The following TBC1D23 variants were observed in gnomAD, a reference collection of about 807,000 sequenced individuals.
The protein encoded by TBC1D23 is TBC1 domain family member 23.
A neutral mutation model predicts 91.4 loss-of-function variants in TBC1D23; 55 were observed. That is an observed-to-expected ratio of 0.60 (90% CI 0.48 to 0.75). The LOEUF (loss-of-function observed/expected upper bound fraction) is 0.75. Among genes scored for constraint, TBC1D23 ranks in the 30% least tolerant of loss-of-function variants. The probability of loss-of-function intolerance (pLI) is 0.00; values close to 1 mark genes in which losing one functional copy is unlikely to be tolerated. For synonymous variants in TBC1D23, 289 were observed against 281.0 expected, an observed-to-expected ratio of 1.03 and a Z score of -0.28; for missense variants, 725 against 836.1, an observed-to-expected ratio of 0.87 and a Z score of 1.64.
At chr3:100,275,931 TTA>T (rs1178035262) in intron 1 of TBC1D23, among the ~76,000 whole-genome samples, 1 of 152,224 alleles carries the variant, frequency 6.6e-6, no homozygotes, top group Non-Finnish European at 1.5e-5. Flanking sequence ...ATGATTCCAG[TTA>T]TATGAAATAT....
intron 5 of TBC1D23, among the ~76,000 whole-genome samples, chr3:100,293,790 A>G (rs867290862): frequency 6.6e-6 from 1 of 152,150 alleles, no homozygotes; most frequent in African/African-American, 2.4e-5. Flanking sequence ...AAGTAAAGTA[A>G]TCCAAGTTCC....
At chr3:100,304,975 A>G (rs1163740990) in intron 12 of TBC1D23, 87 bp downstream of exon 12, 2 of 757,428 alleles carry the variant, frequency 2.6e-6, no homozygotes, top group Non-Finnish European at 4.6e-6. Context: ...GAGTGGTCAC[A>G]TTAGTTAAAG....
At chr3:100,307,477 T>C (rs990083625) in intron 13 of TBC1D23, among the ~76,000 whole-genome samples, 3 of 152,210 alleles carry the variant, frequency 2.0e-5, no homozygotes, top group African/African-American at 4.8e-5. Context: ...TAAGGATAAC[T>C]TGAGAATTAA....
At chr3:100,275,718 C>T (rs2067643217) in intron 1 of TBC1D23, among the ~76,000 whole-genome samples, 1 of 151,864 alleles carries the variant, frequency 6.6e-6, no homozygotes, top group African/African-American at 2.4e-5. Context: ...TACTTGTGTT[C>T]AAAATTAAGG....
Position 100,321,214 on chromosome 3 carries a change from T to C in TBC1D23, c.2018+243T>C, listed in dbSNP as rs16842116. On this transcript the variant is annotated intron_variant, in intron 18 of 18. Transcript: ENST00000394144. ...AAAGTTTCTGACCCAAGGATCCTTATTGTTAATCTGTACCAGTGCTGCACT... is the reference window on the plus strand; with the variant it reads ...AAAGTTTCTGACCCAAGGATCCTTACTGTTAATCTGTACCAGTGCTGCACT... Among the ~76,000 whole-genome samples, 1,036 of 152,322 alleles carry C rather than the reference T, an allele frequency of 6.8e-3. 16 individuals carry two copies. The highest frequency in any genetic ancestry group is 0.024 in the African/African-American group (996 of 41,574).
intron 4 of TBC1D23, 124 bp from the exon 5 acceptor site, chr3:100,290,454 C>G (rs2067779452): frequency 2.4e-6 from 2 of 835,274 alleles, no homozygotes; most frequent in Non-Finnish European, 3.8e-6. Context: ...CAAGAGACCT[C>G]TGCCTGCTAC....
intron 3 of TBC1D23, among the ~76,000 whole-genome samples, chr3:100,283,095 A>G (rs774346457): frequency 5.7e-4 from 87 of 152,342 alleles, no homozygotes; most frequent in Non-Finnish European, 4.6e-4. Context: ...TTAGAAGGCC[A>G]GGCACAGTGG....
intron 1 of TBC1D23, among the ~76,000 whole-genome samples, chr3:100,279,270 T>C (rs922203088): frequency 4.6e-5 from 7 of 152,172 alleles, no homozygotes; most frequent in African/African-American, 1.7e-4. Context: ...GGGATTGTTA[T>C]GAGGATTAAA....
chr3:100,268,661 A>G (rs770844386), intron 1 of TBC1D23, among the ~76,000 whole-genome samples: 2 of 152,198 alleles, frequency 1.3e-5, no homozygotes, highest in African/African-American at 2.4e-5. Flanking sequence ...GCCATTCTCT[A>G]TCTTAGGCAA....
At position 100,292,707 on chromosome 3, in the gene TBC1D23, C is replaced by T. The variant is rs189150453; in HGVS notation, c.600+2006C>T. 1.6e-3 allele frequency among the ~76,000 whole-genome samples: 238 copies of T among 152,264 alleles called. 1 individual carries two copies. The highest frequency in any genetic ancestry group is 5.6e-3 in the African/African-American group (232 of 41,550). On this transcript the variant is annotated intron_variant, in intron 5 of 18. Coordinates refer to ENST00000394144, the MANE Select transcript of TBC1D23 (RefSeq NM_001199198.3). ...CTCCACCTCCTGGGCTCAAGTGATT[C>T]TCCCACCTCAGCCTCCTGAGTAGCT... is the stretch of plus-strand genomic sequence containing the variant.
At chr3:100,315,154 CTTTTTTTTTT>C (rs397705981) in intron 15 of TBC1D23, among the ~76,000 whole-genome samples, 5 of 73,670 alleles carry the variant, frequency 6.8e-5, no homozygotes, top group East Asian at 4.8e-4. Context: ...GAGGCAGATT[CTTTTTTTTTT>C]TTTTTTTTTT....
chr3:100,312,801 A>G (rs1384548620), intron 15 of TBC1D23, among the ~76,000 whole-genome samples: 1 of 152,184 alleles, frequency 6.6e-6, no homozygotes, highest in Non-Finnish European at 1.5e-5. Flanking sequence ...TTCTCGGGTC[A>G]CTTCAGTATT....
chr3:100,288,078 C>T (rs75287202), intron 4 of TBC1D23, among the ~76,000 whole-genome samples: 1 of 151,200 alleles, frequency 6.6e-6, no homozygotes, highest in African/African-American at 2.4e-5. Flanking sequence ...CCTGATCCTA[C>T]AAAAAAAATT....
chr3:100,312,990 G>C (rs1705654490), intron 15 of TBC1D23, among the ~76,000 whole-genome samples: 1 of 151,228 alleles, frequency 6.6e-6, no homozygotes, highest in African/African-American at 2.4e-5. Context: ...CGTCTCTACA[G>C]AGTGAGACTG....
In TBC1D23 at chr3:100,320,902, A is replaced by G. The variant is rs901272072; in HGVS notation, c.1949A>G (p.His650Arg). The G allele has an allele frequency of 1.2e-6, 2 of 1,612,812 alleles. No homozygotes were observed. The highest frequency in any genetic ancestry group is 1.7e-6 in the Non-Finnish European group (2 of 1,179,330). Residue 650 changes from histidine to arginine, a missense_variant, in exon 18 of 19, where the codon CAT becomes CGT. Transcript: ENST00000394144. ...SVVKITSKKK[H>R]PELITFKYGN... Reference sequence around the variant, plus strand: ...GTTAAAATTACATCCAAAAAAAAACATCCTGAACTCATTACCTTCAAGTAT... The same window carrying G: ...GTTAAAATTACATCCAAAAAAAAACGTCCTGAACTCATTACCTTCAAGTAT...
chr3:100,306,318 T>G, intron 12 of TBC1D23, 119 bp from the exon 13 acceptor site: 43 of 591,122 alleles, frequency 7.3e-5, no homozygotes, highest in Middle Eastern at 3.8e-4. Flanking sequence ...ATACCTGTGA[T>G]TATTTCCTTC....
chr3:100,289,137 C>T (rs985668929), intron 4 of TBC1D23, among the ~76,000 whole-genome samples: 11 of 151,918 alleles, frequency 7.2e-5, no homozygotes, highest in Non-Finnish European at 1.6e-4. Context: ...GGTTTGAGCC[C>T]AGGACGCAAA....
intron 15 of TBC1D23, among the ~76,000 whole-genome samples, chr3:100,314,876 T>C (rs1264868156): frequency 6.6e-6 from 1 of 152,188 alleles, no homozygotes; most frequent in African/African-American, 2.4e-5. Context: ...AGTGTTTTCA[T>C]GTTACATGCA....
At chr3:100,317,226 G>A (rs1232835948) in intron 16 of TBC1D23, among the ~76,000 whole-genome samples, 2 of 152,084 alleles carry the variant, frequency 1.3e-5, no homozygotes, top group African/African-American at 4.8e-5. Context: ...TGTGTACTGA[G>A]TTAGGGAAAA....
Sources: allele counts gnomAD v4.1 joint callset (sites outside exome capture counted in the v4.1 genomes callset), GRCh38; gene constraint gnomAD v4.1.1; transcripts MANE v1.5; gene names NCBI Gene and HGNC (gene_info 2026-07-23, HGNC 2026-07-21).